ABCC12: variants seen among roughly 807,000 people sequenced by gnomAD.
ABCC12 encodes ATP binding cassette subfamily C member 12, also known as ATP-binding cassette sub-family C member 12.
ABCC12 carries 142 observed loss-of-function variants against 151.1 expected under a neutral mutation model. That is an observed-to-expected ratio of 0.94 (90% CI 0.82 to 1.08). The LOEUF is 1.08. ABCC12 is among the 50% of genes least tolerant of loss of function. ABCC12 has a pLI of 0.00. For synonymous variants in ABCC12, 645 were observed against 646.4 expected (o/e 1.00, Z 0.03); for missense variants, 1,638 against 1,691.1 (o/e 0.97, Z 0.55).
In ABCC12 at chr16:48,114,314, C is replaced by A. The variant is rs376590670; in HGVS notation, c.1989+1101G>T. 8.5e-5 allele frequency among the ~76,000 whole-genome samples: 13 copies of A among 152,264 alleles called. No individual in the cohort carries two copies. In the East Asian group the frequency reaches 2.3e-3, roughly 27 times the overall value. Reference sequence around the variant, plus strand: ...GGTTTTACAGGGTCTTCGAGGAACACCCTCTTTAGGCTGGTCCTCCTGGCC... The same window carrying A: ...GGTTTTACAGGGTCTTCGAGGAACAACCTCTTTAGGCTGGTCCTCCTGGCC... On this transcript the variant is annotated intron_variant, in intron 15 of 30. Coordinates refer to ENST00000311303, the MANE Select transcript of ABCC12 (RefSeq NM_001393797.1).
intron 13 of ABCC12, among the ~76,000 whole-genome samples, chr16:48,119,020 C>G (rs1387590166): frequency 6.6e-6 from 1 of 152,232 alleles, no homozygotes; most frequent in Non-Finnish European, 1.5e-5. Context: ...CAATCTGACT[C>G]AGACTGCGCA....
rs149816514 is a variant in ABCC12, at chr16:48,088,618, G to C, written c.3402C>G (p.Pro1134=). ...DYQMRYRDNT[P]LVLDSLNLNI... ...TCAAGTTCAGGCTGTCGAGAACAAG[G>C]GGGGTGTTGTCTCTGTATCTCATCT... is the stretch of plus-strand genomic sequence containing the variant. Residue 1134 remains proline (P), a synonymous_variant, in exon 26 of 31, where the codon CCC becomes CCG. Transcript: ENST00000311303. 7 of 1,614,092 alleles carry C rather than the reference G, an allele frequency of 4.3e-6. No homozygotes were observed. Among genetic ancestry groups the C allele is most frequent in the East Asian group, 2.2e-5 (1 of 44,890 alleles).
chr16:48,128,917 T>C (rs1702478441), intron 10 of ABCC12, among the ~76,000 whole-genome samples, 180 bp from the exon 11 acceptor site: 1 of 152,204 alleles, frequency 6.6e-6, no homozygotes, highest in Non-Finnish European at 1.5e-5. Flanking sequence ...CACTAGCTCA[T>C]GCTATCTGGG....
chr16:48,096,998 C>G, intron 23 of ABCC12, 96 bp from the exon 24 acceptor site: 2 of 1,496,138 alleles, frequency 1.3e-6, no homozygotes, highest in Non-Finnish European at 1.9e-6. Context: ...GTTAGGGTGA[C>G]TGGAGAAATG....
Position 48,111,896 on chromosome 16 carries a change from A to G in ABCC12, c.2004T>C (p.Cys668=), listed in dbSNP as rs761088038. 6.2e-7 allele frequency: 1 copy of G among 1,613,916 alleles called. No individual in the cohort carries two copies. The highest frequency in any genetic ancestry group is 1.1e-5 in the South Asian group (1 of 91,038). Residue 668 remains cysteine, a synonymous_variant, in exon 16 of 31, where the codon TGT becomes TGC. Coordinates refer to ENST00000311303, the MANE Select transcript of ABCC12 (RefSeq NM_001393797.1). ...VTHQLQFLES[C]DEVILLEDGE... is the part of the protein sequence containing the mutation. The stretch of plus-strand genomic sequence containing the variant: ...CATCTTCTAATAAAATAACTTCATC[A>G]CAAGACTCTAAGAACTGCAGAAGTA...
In ABCC12 at chr16:48,144,098, C is replaced by T. The variant is rs759869728; in HGVS notation, c.120-33G>A. ...CAAACAAGACACTCAGCGTTCCAGGCACTGGGGTCATTGCCCCAACTCTCT... is the reference window on the plus strand; with the variant it reads ...CAAACAAGACACTCAGCGTTCCAGGTACTGGGGTCATTGCCCCAACTCTCT... On this transcript the variant is annotated intron_variant, in intron 3 of 30. Coordinates refer to ENST00000311303, the MANE Select transcript of ABCC12 (RefSeq NM_001393797.1). 20 of 1,589,766 alleles carry T rather than the reference C, an allele frequency of 1.3e-5. No homozygotes were observed. In the Admixed American group the frequency reaches 1.7e-4, roughly 14 times the overall value.
intron 3 of ABCC12, among the ~76,000 whole-genome samples, chr16:48,144,566 G>A (rs960968370): frequency 3.3e-5 from 5 of 151,978 alleles, no homozygotes; most frequent in African/African-American, 1.2e-4. Flanking sequence ...ACATCCTCTG[G>A]GTGGAAAACT....
chr16:48,110,395 G>A (rs1045383616), intron 18 of ABCC12, among the ~76,000 whole-genome samples: 9 of 152,020 alleles, frequency 5.9e-5, no homozygotes, highest in African/African-American at 1.9e-4. Flanking sequence ...TGAAATGTGC[G>A]AAGTTTTTTT....
chr16:48,128,809 A>G (rs1597318765), intron 10 of ABCC12, 72 bp from the exon 11 acceptor site: 1 of 1,520,760 alleles, frequency 6.6e-7, no homozygotes, highest in East Asian at 2.3e-5. Flanking sequence ...TGTATCTTCT[A>G]ATGACCCCAA....
chr16:48,119,600 G>C (rs929961111), intron 13 of ABCC12, among the ~76,000 whole-genome samples: 1 of 152,246 alleles, frequency 6.6e-6, no homozygotes, highest in African/African-American at 2.4e-5. Flanking sequence ...GCCACAGGAC[G>C]GCATGGCCGG....
intron 22 of ABCC12, among the ~76,000 whole-genome samples, chr16:48,102,394 C>T (rs1285191502): frequency 1.3e-5 from 2 of 152,208 alleles, no homozygotes; most frequent in Non-Finnish European, 2.9e-5. Flanking sequence ...CAGGCTTGCT[C>T]CCATCCTGTG....
chr16:48,133,634 G>A (rs1280880688), intron 9 of ABCC12, 53 bp downstream of exon 9: 3 of 1,595,974 alleles, frequency 1.9e-6, no homozygotes, highest in Non-Finnish European at 2.6e-6. Flanking sequence ...TTCCCACCTG[G>A]GACTTGCCGG....
At position 48,144,057 on chromosome 16, in the gene ABCC12, G is replaced by A; in HGVS notation, c.128C>T (p.Pro43Leu). 3 of 1,613,352 alleles carry A rather than the reference G, an allele frequency of 1.9e-6. No individual in the cohort carries two copies. The highest frequency in any genetic ancestry group is 2.5e-6 in the Non-Finnish European group (3 of 1,179,534). The change falls in exon 4 of 31, where the codon CCC becomes CTC. Residue 43 changes from proline (P) to leucine (L), a missense_variant. Coordinates refer to ENST00000311303, the MANE Select transcript of ABCC12 (RefSeq NM_001393797.1). Reference protein sequence around the residue: ...IPVRPCARLAPNPVDDAGLLS... With the variant: ...IPVRPCARLALNPVDDAGLLS... ...TAGCCCGGCATCATCCACCGGGTTG[G>A]GTGCTAACCTGCAGACAAACAAGAC...
Position 48,126,647 on chromosome 16 carries a change from T to G in ABCC12, c.1515+1812A>C, listed in dbSNP as rs1396998213. ...TTGTGAAATGGGTACTTCTATGAAA[T>G]GCATGGTGCTGGTAAAGAAACAGAG... is the stretch of plus-strand genomic sequence containing the variant. On this transcript the variant is annotated intron_variant, in intron 11 of 30. Coordinates refer to ENST00000311303, the MANE Select transcript of ABCC12 (RefSeq NM_001393797.1). 2.6e-5 allele frequency among the ~76,000 whole-genome samples: 4 copies of G among 152,156 alleles called. No homozygotes were observed. In the East Asian group the frequency reaches 7.7e-4, roughly 29 times the overall value.
At chr16:48,144,841 T>G (rs1964944464) in intron 3 of ABCC12, among the ~76,000 whole-genome samples, 1 of 152,216 alleles carries the variant, frequency 6.6e-6, no homozygotes. Context: ...AAAAGGTGAC[T>G]TTCATGATAC....
intron 1 of ABCC12, among the ~76,000 whole-genome samples, chr16:48,154,955 T>C (rs1019295355): frequency 1.3e-5 from 2 of 152,256 alleles, no homozygotes; most frequent in African/African-American, 4.8e-5. Flanking sequence ...CCACAGCCCC[T>C]TCCTCCAGGG....
At chr16:48,093,724 T>C (rs1397952993) in intron 24 of ABCC12, among the ~76,000 whole-genome samples, 1 of 152,190 alleles carries the variant, frequency 6.6e-6, no homozygotes, top group Non-Finnish European at 1.5e-5. Flanking sequence ...GAGAAGGGCA[T>C]ATACATCTTT....
intron 24 of ABCC12, among the ~76,000 whole-genome samples, chr16:48,091,885 T>C (rs75180759): frequency 0.018 from 2,678 of 152,294 alleles, 80 homozygotes; most frequent in African/African-American, 0.061. Context: ...AGAGGATCTT[T>C]GCAGGTGTTA....
At chr16:48,153,047 T>G (rs1965137615) in intron 2 of ABCC12, among the ~76,000 whole-genome samples, 1 of 152,208 alleles carries the variant, frequency 6.6e-6, no homozygotes, top group African/African-American at 2.4e-5. Context: ...CCAAGTGTAC[T>G]TTACTTTCTT....
Sources: gnomAD v4.1 joint callset for allele counts (sites outside exome capture counted in the v4.1 genomes callset) on GRCh38, gnomAD v4.1.1 for gene constraint, MANE v1.5 for transcripts, NCBI Gene and HGNC (gene_info 2026-07-23, HGNC 2026-07-21) for gene names.